CHN2: variants seen among roughly 807,000 people sequenced by gnomAD.
CHN2 encodes chimerin 2, also known as beta-chimaerin.
Under a neutral mutation model 56.3 loss-of-function variants are expected in CHN2, and 35 were observed. That is an observed-to-expected ratio of 0.62 (90% CI 0.47 to 0.82). CHN2 has a LOEUF of 0.82. Among genes scored for constraint, CHN2 ranks in the 40% least tolerant of loss-of-function variants. The probability of loss-of-function intolerance (pLI) is 0.00; values close to 1 mark genes in which losing one functional copy is unlikely to be tolerated. For missense variants in CHN2, 491 were observed against 580.5 expected (o/e 0.85, Z 1.58); for synonymous variants, 210 against 212.8 (o/e 0.99, Z 0.12).
intron 1 of CHN2, 68 bp from the exon 2 acceptor site, chr7:29,354,557 G>A (rs1264742377): frequency 2.6e-5 from 36 of 1,405,124 alleles, no homozygotes; most frequent in Non-Finnish European, 3.4e-5. Context: ...TGTTCCTCCA[G>A]AGAAGACACA....
chr7:29,203,194 C>A (rs541323627), intron 1 of CHN2, among the ~76,000 whole-genome samples: 1 of 152,162 alleles, frequency 6.6e-6, no homozygotes, highest in African/African-American at 2.4e-5. Context: ...AGGCCTGGCA[C>A]GGTGGCTCAC....
Position 29,500,139 on chromosome 7 carries a change from T to G in CHN2, c.913+99T>G, listed in dbSNP as rs574466793. 3.4e-5 allele frequency: 32 copies of G among 947,162 alleles called. No homozygotes were observed. The Admixed American group carries it at 5.3e-4, about 16-fold the overall frequency. 58.7% of individuals were successfully genotyped at this position (947,162 alleles called of 1,614,324 possible). A position where few individuals can be genotyped will look rare whatever the true frequency, so the allele number is the denominator to read the frequency against. Reference sequence around the variant, plus strand: ...AACAGAGTTGCTCTACTACTCTTGTTGGGAAAATGACCTACGCATGTGTGC... The same window carrying G: ...AACAGAGTTGCTCTACTACTCTTGTGGGGAAAATGACCTACGCATGTGTGC... On this transcript the variant is annotated intron_variant, in intron 9 of 12. Coordinates refer to ENST00000222792, the MANE Select transcript of CHN2 (RefSeq NM_004067.4).
intron 1 of CHN2, among the ~76,000 whole-genome samples, chr7:29,243,489 T>C (rs39082): frequency 0.53 from 80,631 of 152,116 alleles, 22,645 homozygotes; most frequent in East Asian, 0.92. Context: ...AAACCATTTA[T>C]ATGACAATAT....
chr7:29,459,431 G>A (rs918881027), intron 6 of CHN2, among the ~76,000 whole-genome samples: 3 of 152,130 alleles, frequency 2.0e-5, no homozygotes, highest in African/African-American at 7.2e-5. Flanking sequence ...AGGTCATGCC[G>A]GCTGGGCCTT....
At chr7:29,220,312 A>G (rs1785691838) in intron 1 of CHN2, among the ~76,000 whole-genome samples, 1 of 137,642 alleles carries the variant, frequency 7.3e-6, no homozygotes, top group Non-Finnish European at 1.6e-5. Flanking sequence ...AAGCCAAAAT[A>G]AGCAGTAATT....
rs183233242 is a variant in CHN2, at chr7:29,415,377, T to C, written c.576+14549T>C. Among the ~76,000 whole-genome samples, 628 of 152,348 alleles carry C rather than the reference T, an allele frequency of 4.1e-3. 3 individuals are homozygous for C. The highest frequency in any genetic ancestry group is 0.014 in the African/African-American group (594 of 41,588). On this transcript the variant is annotated intron_variant, in intron 6 of 12. Transcript: ENST00000222792. ...ACCAAGAGCTTCATTCTGGAGAGGCTCAAGTGGGGAGTTCCCACCTTGGTT... is the reference window on the plus strand; with the variant it reads ...ACCAAGAGCTTCATTCTGGAGAGGCCCAAGTGGGGAGTTCCCACCTTGGTT...
rs1203905505 is a variant in CHN2, at chr7:29,393,718, TTATAC to T, written c.176+12_176+16del. 7.1e-6 allele frequency: 6 copies of T among 844,120 alleles called. No homozygotes were observed. The highest frequency in any genetic ancestry group is 1.1e-5 in the Non-Finnish European group (6 of 570,192). 52.3% of individuals were successfully genotyped at this position (844,120 alleles called of 1,614,324 possible). ...AAAATATTATGGAAGAGAGTATGTA[TTATAC>T]TATTCTTTGTTTTAATAATTTAATA... On this transcript the variant is annotated intron_variant, in intron 4 of 12. Coordinates refer to ENST00000222792, the MANE Select transcript of CHN2 (RefSeq NM_004067.4).
chr7:29,201,711 C>CA (rs1221141629), intron 1 of CHN2, among the ~76,000 whole-genome samples: 1 of 152,134 alleles, frequency 6.6e-6, no homozygotes, highest in African/African-American at 2.4e-5. Flanking sequence ...CCAGTGGCTA[C>CA]CATATTGGAC....
chr7:29,395,509 C>CA lies in CHN2; in HGVS notation c.176+1808dup, dbSNP rs199706060. On this transcript the variant is annotated intron_variant, in intron 4 of 12. Transcript: ENST00000222792. ...CTGGGCAACAGAGTGAGACCTTGTA[C>CA]AAAAAAAAATTAATAAATTAATACC... Among the ~76,000 whole-genome samples the CA allele has an allele frequency of 6.6e-3, 985 of 149,680 alleles. 10 individuals carry two copies. Among genetic ancestry groups the CA allele is most frequent in the Non-Finnish European group, 9.9e-3 (666 of 67,362 alleles).
chr7:29,470,965 G>C (rs1785977152), intron 6 of CHN2, among the ~76,000 whole-genome samples: 1 of 152,164 alleles, frequency 6.6e-6, no homozygotes, highest in African/African-American at 2.4e-5. Context: ...TGAGAAGAAA[G>C]TCATCTAGGG....
chr7:29,404,616 G>C (rs1422205429), intron 6 of CHN2, among the ~76,000 whole-genome samples: 1 of 152,188 alleles, frequency 6.6e-6, no homozygotes, highest in African/African-American at 2.4e-5. Flanking sequence ...TGTGGAATGG[G>C]CACTTGGAAT....
chr7:29,505,963 C>G (rs114335865), intron 10 of CHN2, among the ~76,000 whole-genome samples: 1 of 152,146 alleles, frequency 6.6e-6, no homozygotes, highest in African/African-American at 2.4e-5. Flanking sequence ...TTCTATACAT[C>G]GGCAGCTTTT....
chr7:29,476,995 A>G (rs138936903), intron 6 of CHN2, among the ~76,000 whole-genome samples: 1 of 152,342 alleles, frequency 6.6e-6, no homozygotes, highest in African/African-American at 2.4e-5. Flanking sequence ...TCCCTTGTGT[A>G]TAGAGAACAC....
chr7:29,496,845 C>T (rs933160542), intron 8 of CHN2, among the ~76,000 whole-genome samples: 1 of 152,124 alleles, frequency 6.6e-6, no homozygotes, highest in Non-Finnish European at 1.5e-5. Context: ...TTCTGGCAAA[C>T]ACTTGTGGCT....
At chr7:29,338,283 A>G (rs921329400) in intron 1 of CHN2, among the ~76,000 whole-genome samples, 1 of 152,182 alleles carries the variant, frequency 6.6e-6, no homozygotes, top group Non-Finnish European at 1.5e-5. Flanking sequence ...TGGGCTTCAG[A>G]TTCCAAGTCT....
chr7:29,214,772 C>G (rs1362604949), intron 1 of CHN2, among the ~76,000 whole-genome samples: 2 of 152,200 alleles, frequency 1.3e-5, no homozygotes, highest in Non-Finnish European at 2.9e-5. Flanking sequence ...AATATTTTAT[C>G]TATGAAACTT....
intron 2 of CHN2, among the ~76,000 whole-genome samples, chr7:29,357,234 G>A (rs1798381783): frequency 1.3e-5 from 2 of 152,154 alleles, no homozygotes; most frequent in African/African-American, 4.8e-5. Flanking sequence ...ACTTGCAAAA[G>A]TTCCTCTTTA....
intron 3 of CHN2, among the ~76,000 whole-genome samples, chr7:29,371,461 C>T (rs771941976): frequency 3.2e-4 from 49 of 152,192 alleles, no homozygotes; most frequent in Admixed American, 2.0e-4. Flanking sequence ...CACTCCATGC[C>T]GACAGATGCA....
chr7:29,335,592 C>T (rs1382459315), intron 1 of CHN2: 2 of 152,238 alleles, frequency 1.3e-5, no homozygotes, highest in African/African-American at 4.8e-5. Flanking sequence ...CAGATCCTCA[C>T]CATACTAGTT....
Sources: allele counts gnomAD v4.1 joint callset (sites outside exome capture counted in the v4.1 genomes callset), GRCh38; gene constraint gnomAD v4.1.1; transcripts MANE v1.5; gene names NCBI Gene and HGNC (gene_info 2026-07-23, HGNC 2026-07-21).